CDS1: variants seen among roughly 807,000 people sequenced by gnomAD.
CDS1 encodes phosphatidate cytidylyltransferase 1.
Under a neutral mutation model 62.1 loss-of-function variants are expected in CDS1, and 41 were observed. The ratio of observed to expected loss-of-function variants is 0.66; its 90% CI spans 0.51 to 0.86. The LOEUF (loss-of-function observed/expected upper bound fraction) is 0.86. Ranked by LOEUF, CDS1 falls within the 40% of genes least tolerant of loss-of-function variation. The pLI is 0.00. For missense variants in CDS1, 470 were observed against 550.1 expected, an observed-to-expected ratio of 0.85 and a Z score of 1.46; for synonymous variants, 185 against 192.6, an observed-to-expected ratio of 0.96 and a Z score of 0.32.
In CDS1 at chr4:84,617,675, A is replaced by C. The variant is rs752582226; in HGVS notation, c.440+14A>C. On this transcript the variant is annotated intron_variant, in intron 4 of 12. Transcript: ENST00000295887. ...AACACTAAGTTGGTAAGTAAGCTTG[A>C]AACTATTTCAGATATGAAAAGTTAA... 1.6e-6 allele frequency: 2 copies of C among 1,239,656 alleles called. No individual in the cohort carries two copies. 76.8% of individuals were successfully genotyped at this position (1,239,656 alleles called of 1,614,324 possible). A position where few individuals can be genotyped will look rare whatever the true frequency, so the allele number is the denominator to read the frequency against.
chr4:84,587,386 T>G (rs1023150199), intron 1 of CDS1, among the ~76,000 whole-genome samples: 2 of 152,220 alleles, frequency 1.3e-5, no homozygotes, highest in Non-Finnish European at 1.5e-5. Flanking sequence ...TGTGTTCCAG[T>G]CACGTTCAGT....
intron 3 of CDS1, among the ~76,000 whole-genome samples, chr4:84,617,089 G>A (rs1723520304): frequency 6.6e-6 from 1 of 152,164 alleles, no homozygotes. Context: ...TATTTGTCCT[G>A]ACAGTATCTT....
chr4:84,598,928 C>T (rs1016526475), intron 1 of CDS1, among the ~76,000 whole-genome samples: 1 of 152,030 alleles, frequency 6.6e-6, no homozygotes, highest in Admixed American at 6.6e-5. Context: ...CCTTTTTGTC[C>T]TCAGTATTGG....
Position 84,608,789 on chromosome 4 carries a change from A to G in CDS1, c.246-640A>G, listed in dbSNP as rs553702545. Among the ~76,000 whole-genome samples, 4 of 152,098 alleles carry G rather than the reference A, an allele frequency of 2.6e-5. No homozygotes were observed. In the East Asian group the frequency reaches 7.8e-4, roughly 29 times the overall value. ...TGTACCTGGCTCGTTCTTCCCCTCCATGTGGTCCCTGGTGGGATGCCTGAC... is the reference window on the plus strand; with the variant it reads ...TGTACCTGGCTCGTTCTTCCCCTCCGTGTGGTCCCTGGTGGGATGCCTGAC... On this transcript the variant is annotated intron_variant, in intron 2 of 12. Transcript: ENST00000295887.
Position 84,643,004 on chromosome 4 carries a change from C to G in CDS1, c.1033-20C>G. On this transcript the variant is annotated intron_variant, in intron 10 of 12. Transcript: ENST00000295887. ...TTCAGTGAAATTAGCCCCTCTCCTC[C>G]CCTTCTTTCTCCTCTTTAGGAAAGA... The G allele has an allele frequency of 6.4e-7, 1 of 1,571,008 alleles. No individual in the cohort carries two copies. The highest frequency in any genetic ancestry group is 8.7e-7 in the Non-Finnish European group (1 of 1,152,398).
chr4:84,583,323 GC>G lies in CDS1; in HGVS notation c.-75del. 1 of 1,056,482 alleles carries G rather than the reference GC, an allele frequency of 9.5e-7. No homozygotes were observed. Among genetic ancestry groups the G allele is most frequent in the Non-Finnish European group, 1.4e-6 (1 of 717,402 alleles). 65.4% of individuals were successfully genotyped at this position (1,056,482 alleles called of 1,614,324 possible). ...GGGCGCGGCTGCGAGGTGGCGGGGC[GC>G]CCCGCCTGCAGAACCCTGCTTGCAG... On this transcript the variant is annotated 5_prime_UTR_variant, in exon 1 of 13. Transcript: ENST00000295887.
intron 1 of CDS1, among the ~76,000 whole-genome samples, chr4:84,597,505 T>C (rs534996505): frequency 6.6e-6 from 1 of 152,142 alleles, no homozygotes; most frequent in South Asian, 2.1e-4. Flanking sequence ...CCAGGTGTGG[T>C]GGCCCCACCT....
chr4:84,592,207 A>G (rs1426744949), intron 1 of CDS1, among the ~76,000 whole-genome samples: 1 of 116,172 alleles, frequency 8.6e-6, no homozygotes, highest in Non-Finnish European at 1.6e-5. Context: ...TCTGTCACCC[A>G]GGCTGGAGTG....
intron 4 of CDS1, among the ~76,000 whole-genome samples, chr4:84,618,520 T>C (rs1198063820): frequency 6.6e-6 from 1 of 152,222 alleles, no homozygotes; most frequent in Non-Finnish European, 1.5e-5. Flanking sequence ...GATAAACTGG[T>C]ATTTGAAATG....
chr4:84,587,846 A>G (rs979548234), intron 1 of CDS1, among the ~76,000 whole-genome samples: 9 of 152,280 alleles, frequency 5.9e-5, no homozygotes, highest in African/African-American at 1.9e-4. Flanking sequence ...ATGAAACCTC[A>G]TAGGGAGGAG....
At chr4:84,624,268 TGTCTCAAAA>T (rs1450673210) in intron 5 of CDS1, among the ~76,000 whole-genome samples, 9 of 142,576 alleles carry the variant, frequency 6.3e-5, no homozygotes, top group Non-Finnish European at 1.1e-4. Flanking sequence ...AGCAAGACTC[TGTCTCAAAA>T]AAAAAAAAAC....
chr4:84,644,597 A>G (rs774476373), intron 11 of CDS1, among the ~76,000 whole-genome samples: 1 of 152,206 alleles, frequency 6.6e-6, no homozygotes, highest in Non-Finnish European at 1.5e-5. Context: ...GCAGTTAGTC[A>G]TGTCCATTTC....
intron 5 of CDS1, among the ~76,000 whole-genome samples, chr4:84,630,107 G>A (rs1723975724): frequency 6.6e-6 from 1 of 152,114 alleles, no homozygotes; most frequent in Non-Finnish European, 1.5e-5. Flanking sequence ...CACAAAAACA[G>A]CATAGAAATT....
intron 2 of CDS1, among the ~76,000 whole-genome samples, chr4:84,607,740 T>G (rs556551250): frequency 6.6e-6 from 1 of 151,420 alleles, no homozygotes; most frequent in Non-Finnish European, 1.5e-5. Flanking sequence ...TATTTTTTTT[T>G]AAAAAAAAGG....
chr4:84,593,010 T>C (rs1347415250), intron 1 of CDS1, among the ~76,000 whole-genome samples: 1 of 152,202 alleles, frequency 6.6e-6, no homozygotes, highest in Non-Finnish European at 1.5e-5. Context: ...AGTTCACATT[T>C]TATCTCAATA....
chr4:84,587,218 G>C (rs1051130175), intron 1 of CDS1, among the ~76,000 whole-genome samples: 4 of 151,952 alleles, frequency 2.6e-5, no homozygotes, highest in African/African-American at 9.7e-5. Flanking sequence ...ATTTGTATTT[G>C]TATATATTTA....
chr4:84,612,707 C>G (rs138127892), intron 3 of CDS1, among the ~76,000 whole-genome samples: 1 of 152,156 alleles, frequency 6.6e-6, no homozygotes, highest in East Asian at 1.9e-4. Context: ...TATTAAAGAT[C>G]TGGCCAGGTG....
chr4:84,621,427 C>G (rs1723683149), intron 5 of CDS1, among the ~76,000 whole-genome samples: 1 of 152,278 alleles, frequency 6.6e-6, no homozygotes, highest in Admixed American at 6.5e-5. Context: ...TCAGCTCCTT[C>G]AGTTCCTAGG....
Position 84,625,406 on chromosome 4 carries a change from T to C in CDS1, c.580+5873T>C, listed in dbSNP as rs576878115. Among the ~76,000 whole-genome samples, 278 of 152,236 alleles carry C rather than the reference T, an allele frequency of 1.8e-3. 2 individuals carry two copies. The highest frequency in any genetic ancestry group is 6.4e-3 in the African/African-American group (266 of 41,544). On this transcript the variant is annotated intron_variant, in intron 5 of 12. Coordinates refer to ENST00000295887, the MANE Select transcript of CDS1 (RefSeq NM_001263.4). ...GGTAAGATGTGAGTCTTCTAGTTCA[T>C]TGCTGAAATGTGAACAAGTCCTGTC... is the stretch of plus-strand genomic sequence containing the variant.
Sources: allele counts gnomAD v4.1 joint callset (sites outside exome capture counted in the v4.1 genomes callset), GRCh38; gene constraint gnomAD v4.1.1; transcripts MANE v1.5; gene names NCBI Gene and HGNC (gene_info 2026-07-23, HGNC 2026-07-21).